Variants in GPR39 observed in about 807,000 individuals in gnomAD.
GPR39 encodes zinc sensing receptor.
Under a neutral mutation model 18.4 loss-of-function variants are expected in GPR39, and 23 were observed. The observed-to-expected ratio is 1.25, with a 90% CI of 0.90 to 1.77. The LOEUF is 1.77. Ranked by LOEUF, GPR39 falls within the 40% of genes most tolerant of loss-of-function variation. GPR39 has a pLI of 0.00. For synonymous variants in GPR39, 280 were observed against 257.9 expected, an observed-to-expected ratio of 1.09 and a Z score of -0.82; for missense variants, 647 against 602.4, an observed-to-expected ratio of 1.07 and a Z score of -0.78.
chr2:132,559,655 G>T (rs185567659), intron 1 of GPR39, among the ~76,000 whole-genome samples: 2 of 152,082 alleles, frequency 1.3e-5, no homozygotes, highest in East Asian at 3.9e-4. Flanking sequence ...AAGAGGAGTC[G>T]AATTGGCTAG....
chr2:132,436,574 G>T (rs1189801950), intron 1 of GPR39, among the ~76,000 whole-genome samples: 1 of 152,156 alleles, frequency 6.6e-6, no homozygotes, highest in Admixed American at 6.5e-5. Flanking sequence ...TATCACACTT[G>T]TCTGTGAGGT....
intron 1 of GPR39, among the ~76,000 whole-genome samples, chr2:132,485,605 G>T (rs1288859379): frequency 6.6e-6 from 1 of 152,174 alleles, no homozygotes; most frequent in East Asian, 1.9e-4. Flanking sequence ...TCCTCAGCAG[G>T]AGTAGATTTC....
intron 1 of GPR39, among the ~76,000 whole-genome samples, chr2:132,477,024 C>T (rs1490533098): frequency 1.3e-5 from 2 of 152,166 alleles, no homozygotes; most frequent in Non-Finnish European, 1.5e-5. Flanking sequence ...GGGCTATGGT[C>T]CCCCTCTGCC....
At chr2:132,539,139 C>T (rs1177953205) in intron 1 of GPR39, among the ~76,000 whole-genome samples, 2 of 152,146 alleles carry the variant, frequency 1.3e-5, no homozygotes, top group African/African-American at 4.8e-5. Context: ...TCAGTGCCTG[C>T]CCAAACAGTG....
In GPR39 at chr2:132,416,871, A is replaced by AGCCC; in HGVS notation, c.-172_-171insGCCC. The stretch of plus-strand genomic sequence containing the variant: ...CTCTCCTAGGTTGGGCTGCTCCAGC[A>AGCCC]AGTTTCCATGAAAGCACCTGAAATA... On this transcript the variant is annotated 5_prime_UTR_variant, in exon 1 of 2. Transcript: ENST00000329321. 2.3e-6 allele frequency: 2 copies of AGCCC among 882,474 alleles called. No individual in the cohort carries two copies. Among genetic ancestry groups the AGCCC allele is most frequent in the Non-Finnish European group, 3.4e-6 (2 of 590,022 alleles). The allele number at this position is 882,474 out of a possible 1,614,324, so 54.7% of individuals were successfully genotyped here.
intron 1 of GPR39, among the ~76,000 whole-genome samples, chr2:132,517,978 G>A (rs1311377130): frequency 6.6e-6 from 1 of 152,122 alleles, no homozygotes; most frequent in Non-Finnish European, 1.5e-5. Context: ...TATGTTTGGG[G>A]GGAATGGTTA....
At chr2:132,418,961 G>C (rs918776307) in intron 1 of GPR39, among the ~76,000 whole-genome samples, 1 of 152,194 alleles carries the variant, frequency 6.6e-6, no homozygotes, top group Non-Finnish European at 1.5e-5. Context: ...TGGGCAGCAG[G>C]TTCCAGGGAC....
intron 1 of GPR39, among the ~76,000 whole-genome samples, chr2:132,487,161 A>G (rs2104792806): frequency 6.6e-6 from 1 of 152,328 alleles, no homozygotes; most frequent in Admixed American, 6.5e-5. Context: ...TCACCATCTT[A>G]TATGGGTATG....
intron 1 of GPR39, among the ~76,000 whole-genome samples, chr2:132,644,622 C>T (rs1681952871): frequency 6.6e-6 from 1 of 152,230 alleles, no homozygotes; most frequent in Non-Finnish European, 1.5e-5. Flanking sequence ...GCCAAAGGGA[C>T]ACTTCTTCCA....
At chr2:132,492,249 A>G (rs988509362) in intron 1 of GPR39, among the ~76,000 whole-genome samples, 1 of 125,874 alleles carries the variant, frequency 7.9e-6, no homozygotes, top group Non-Finnish European at 1.6e-5. Flanking sequence ...TATACATACC[A>G]TATATACACC....
At position 132,533,094 on chromosome 2, in the gene GPR39, AC is replaced by A. The variant is rs1379540272; in HGVS notation, c.857-112003del. On this transcript the variant is annotated intron_variant, in intron 1 of 1. Coordinates refer to ENST00000329321, the MANE Select transcript of GPR39 (RefSeq NM_001508.3). ...GATGACATGATTGTATATCTAGAAA[AC>A]CCCATCGTCTCAGCCCAAAATCTCC... 2.6e-5 allele frequency among the ~76,000 whole-genome samples: 4 copies of A among 152,068 alleles called. No homozygotes were observed. In the East Asian group the frequency reaches 7.8e-4, roughly 30 times the overall value.
intron 1 of GPR39, among the ~76,000 whole-genome samples, chr2:132,609,445 A>T (rs1681201510): frequency 6.6e-6 from 1 of 152,302 alleles, no homozygotes; most frequent in South Asian, 2.1e-4. Flanking sequence ...GAGAGGTGAA[A>T]TCACTTATAC....
intron 1 of GPR39, among the ~76,000 whole-genome samples, chr2:132,638,374 C>T (rs1039382839): frequency 5.3e-5 from 8 of 152,222 alleles, no homozygotes; most frequent in Non-Finnish European, 7.3e-5. Flanking sequence ...TTCTCTTAGA[C>T]CAGTGTTCTC....
intron 1 of GPR39, among the ~76,000 whole-genome samples, chr2:132,530,926 T>TAGGA (rs1285038991): frequency 2.6e-5 from 4 of 152,204 alleles, no homozygotes; most frequent in African/African-American, 4.8e-5. Flanking sequence ...CCATCAAGGC[T>TAGGA]AGGAAGAAAC....
intron 1 of GPR39, among the ~76,000 whole-genome samples, chr2:132,508,024 T>C (rs1679167382): frequency 6.6e-6 from 1 of 152,118 alleles, no homozygotes; most frequent in Non-Finnish European, 1.5e-5. Context: ...AGCCCCAAAA[T>C]CCTTCTCTGA....
At chr2:132,483,091 T>C (rs1681265159) in intron 1 of GPR39, among the ~76,000 whole-genome samples, 1 of 152,204 alleles carries the variant, frequency 6.6e-6, no homozygotes, top group Non-Finnish European at 1.5e-5. Context: ...TTAAGCCCTT[T>C]GTGAGTCAGT....
intron 1 of GPR39, among the ~76,000 whole-genome samples, chr2:132,472,741 A>C (rs1483879788): frequency 6.6e-6 from 1 of 152,084 alleles, no homozygotes; most frequent in Non-Finnish European, 1.5e-5. Flanking sequence ...CACTTTAATC[A>C]TATAATGGAT....
At chr2:132,633,877 ATTG>A (rs1211629354) in intron 1 of GPR39, among the ~76,000 whole-genome samples, 9 of 147,270 alleles carry the variant, frequency 6.1e-5, no homozygotes, top group East Asian at 4.1e-4. Context: ...TGGTGTTGGT[ATTG>A]TTGGTGGTAT....
At chr2:132,552,901 T>A (rs537667963) in intron 1 of GPR39, among the ~76,000 whole-genome samples, 1 of 97,624 alleles carries the variant, frequency 1.0e-5, no homozygotes, top group Non-Finnish European at 2.0e-5. Flanking sequence ...CATATATATA[T>A]ACACACACAT....
Sources: gnomAD v4.1 joint callset for allele counts (sites outside exome capture counted in the v4.1 genomes callset) on GRCh38, gnomAD v4.1.1 for gene constraint, MANE v1.5 for transcripts, NCBI Gene and HGNC (gene_info 2026-07-23, HGNC 2026-07-21) for gene names.